MALRD1: variants seen among roughly 807,000 people sequenced by gnomAD.
The protein encoded by MALRD1 is MAM and LDL receptor class A domain containing 1.
Under a neutral mutation model 242.1 loss-of-function variants are expected in MALRD1, and 247 were observed. The ratio of observed to expected loss-of-function variants is 1.02; its 90% confidence interval spans 0.92 to 1.13. MALRD1 has a LOEUF of 1.13. MALRD1 is among the 50% of genes most tolerant of loss of function. The pLI is 0.00. For missense variants in MALRD1, 2,989 were observed against 2,533.1 expected (o/e 1.18, Z -3.86); for synonymous variants, 995 against 866.6 (o/e 1.15, Z -2.60).
intron 18 of MALRD1, among the ~76,000 whole-genome samples, chr10:19,231,407 A>G (rs1180399294): frequency 6.6e-6 from 1 of 152,174 alleles, no homozygotes; most frequent in South Asian, 2.1e-4. Context: ...ACAGGTTTTC[A>G]TTAGGTTCTG....
chr10:19,711,676 A>G (rs1448133179), intron 38 of MALRD1, among the ~76,000 whole-genome samples: 3 of 152,194 alleles, frequency 2.0e-5, no homozygotes, highest in East Asian at 3.8e-4. Context: ...CAGCCTGTGT[A>G]TATGTGTGTG....
chr10:19,244,617 A>G (rs1838958260), intron 18 of MALRD1, among the ~76,000 whole-genome samples: 1 of 152,126 alleles, frequency 6.6e-6, no homozygotes, highest in African/African-American at 2.4e-5. Flanking sequence ...ATGTGATTCA[A>G]AACTAGGAGA....
intron 1 of MALRD1, 34 bp from the exon 2 acceptor site, chr10:19,066,685 G>GT: frequency 8.1e-7 from 1 of 1,231,954 alleles, no homozygotes; most frequent in Non-Finnish European, 1.0e-6. Flanking sequence ...GCTAAACACA[G>GT]TTGTGAAAAC....
chr10:19,632,606 C>T (rs1207210058), intron 36 of MALRD1, among the ~76,000 whole-genome samples: 2 of 152,044 alleles, frequency 1.3e-5, no homozygotes, highest in Admixed American at 6.6e-5. Flanking sequence ...TGATTACCAA[C>T]ATTGTTTCAC....
rs1033137584 is a variant in MALRD1 at position 19,353,706 on chromosome 10, T to C, written c.4441+1409T>C. ...AAGGTAATTGACCTGCCCAAGATAC[T>C]CTACTTCTCCAAGAAAAGCTTTGCC... is the stretch of plus-strand genomic sequence containing the variant. On this transcript the variant is annotated intron_variant, in intron 26 of 39. Coordinates refer to ENST00000454679, the MANE Select transcript of MALRD1 (RefSeq NM_001142308.3). 3.9e-5 allele frequency among the ~76,000 whole-genome samples: 6 copies of C among 152,202 alleles called. No homozygotes were observed. In the East Asian group the frequency reaches 1.2e-3, roughly 29 times the overall value.
intron 4 of MALRD1, among the ~76,000 whole-genome samples, chr10:19,099,587 A>G (rs1022700192): frequency 6.6e-6 from 1 of 151,774 alleles, no homozygotes; most frequent in Non-Finnish European, 1.5e-5. Flanking sequence ...TTGCTCCTTT[A>G]TATGTATATA....
At chr10:19,098,689 G>A (rs983295274) in intron 4 of MALRD1, among the ~76,000 whole-genome samples, 4 of 152,206 alleles carry the variant, frequency 2.6e-5, no homozygotes, top group South Asian at 2.1e-4. Context: ...AAGCAGCCTC[G>A]TTGTCTGGGG....
intron 32 of MALRD1, among the ~76,000 whole-genome samples, chr10:19,535,623 A>G (rs1834642294): frequency 1.3e-5 from 2 of 151,762 alleles, no homozygotes; most frequent in Admixed American, 6.6e-5. Context: ...AGAAATATAC[A>G]CTACAATGGT....
At chr10:19,253,513 C>G (rs1442144662) in intron 18 of MALRD1, among the ~76,000 whole-genome samples, 1 of 151,838 alleles carries the variant, frequency 6.6e-6, no homozygotes, top group Non-Finnish European at 1.5e-5. Context: ...CAGGACTGCC[C>G]CCATGTAACT....
intron 26 of MALRD1, among the ~76,000 whole-genome samples, chr10:19,367,791 A>G (rs1845171096): frequency 6.6e-6 from 1 of 152,014 alleles, no homozygotes; most frequent in Non-Finnish European, 1.5e-5. Context: ...TTATTGTATA[A>G]TAGCCATCCT....
At position 19,124,267 on chromosome 10, in the gene MALRD1, A is replaced by G. The variant is rs553302155; in HGVS notation, c.797-257A>G. 3.3e-5 allele frequency among the ~76,000 whole-genome samples: 5 copies of G among 152,268 alleles called. No individual in the cohort carries two copies. The South Asian group carries it at 1.0e-3, about 31-fold the overall frequency. The stretch of plus-strand genomic sequence containing the variant: ...TGAAGTGGTGACACATACAACAAAA[A>G]CTAGGAATCTCCTTTTTCTATGGCA... On this transcript the variant is annotated intron_variant, in intron 6 of 39. Coordinates refer to ENST00000454679, the MANE Select transcript of MALRD1 (RefSeq NM_001142308.3).
At chr10:19,705,056 T>C (rs749133882) in intron 38 of MALRD1, among the ~76,000 whole-genome samples, 4 of 152,156 alleles carry the variant, frequency 2.6e-5, no homozygotes, top group African/African-American at 4.8e-5. Context: ...CAGAATATTG[T>C]TTGAGATTCT....
chr10:19,354,883 G>A (rs1027612807), intron 26 of MALRD1, among the ~76,000 whole-genome samples: 3 of 152,022 alleles, frequency 2.0e-5, no homozygotes, highest in African/African-American at 7.2e-5. Context: ...TACAGCTATT[G>A]TGTATCCATA....
chr10:19,417,484 T>C (rs1306700656), intron 28 of MALRD1, among the ~76,000 whole-genome samples: 1 of 152,210 alleles, frequency 6.6e-6, no homozygotes, highest in African/African-American at 2.4e-5. Context: ...TATTTGGTAC[T>C]TAATACTCAT....
intron 19 of MALRD1, among the ~76,000 whole-genome samples, chr10:19,274,275 T>C (rs1840395669): frequency 6.6e-6 from 1 of 152,146 alleles, no homozygotes; most frequent in African/African-American, 2.4e-5. Flanking sequence ...ATACATACAA[T>C]GGAATATCAT....
chr10:19,135,357 A>C (rs1433625648), intron 9 of MALRD1, among the ~76,000 whole-genome samples: 1 of 152,014 alleles, frequency 6.6e-6, no homozygotes, highest in Non-Finnish European at 1.5e-5. Flanking sequence ...GTTTTATCAT[A>C]TTGGCCAGGC....
chr10:19,310,850 A>G (rs1272428120), intron 21 of MALRD1, among the ~76,000 whole-genome samples: 1 of 151,394 alleles, frequency 6.6e-6, no homozygotes, highest in Admixed American at 6.6e-5. Context: ...TCCGGGTATT[A>G]TCTATATTAC....
At position 19,491,972 on chromosome 10, in the gene MALRD1, C is replaced by T. The variant is rs534942515; in HGVS notation, c.5158+327C>T. ...TTCTAGGAACTGCAGTAGCAATCTGCCTTTCTTTATTGGTTGTTTTTTTTT... is the reference window on the plus strand; with the variant it reads ...TTCTAGGAACTGCAGTAGCAATCTGTCTTTCTTTATTGGTTGTTTTTTTTT... On this transcript the variant is annotated intron_variant, in intron 30 of 39. Coordinates refer to ENST00000454679, the MANE Select transcript of MALRD1 (RefSeq NM_001142308.3). Among the ~76,000 whole-genome samples, 9 of 151,514 alleles carry T rather than the reference C, an allele frequency of 5.9e-5. No individual in the cohort carries two copies. In the South Asian group the frequency reaches 1.9e-3, roughly 31 times the overall value.
chr10:19,492,399 T>G (rs1440560190), intron 30 of MALRD1, among the ~76,000 whole-genome samples: 1 of 152,152 alleles, frequency 6.6e-6, no homozygotes, highest in Non-Finnish European at 1.5e-5. Context: ...TGCTCACAAT[T>G]TTTTGGGTCA....
Sources: allele counts gnomAD v4.1 joint callset (sites outside exome capture counted in the v4.1 genomes callset), GRCh38; gene constraint gnomAD v4.1.1; transcripts MANE v1.5; gene names NCBI Gene and HGNC (gene_info 2026-07-23, HGNC 2026-07-21).